The following RNF13 variants were observed in gnomAD, a reference collection of about 807,000 sequenced individuals.
RNF13 encodes the protein ring finger protein 13, also known as E3 ubiquitin-protein ligase RNF13.
A neutral mutation model predicts 37.7 loss-of-function variants in RNF13; 19 were observed. The observed-to-expected ratio is 0.50, with a 90% CI of 0.35 to 0.74. The LOEUF (loss-of-function observed/expected upper bound fraction) is 0.74. Ranked by LOEUF, RNF13 falls within the 30% of genes least tolerant of loss-of-function variation. The pLI, the probability that RNF13 is intolerant of heterozygous loss-of-function variation, is 0.01. For synonymous variants in RNF13, 144 were observed against 157.8 expected, an observed-to-expected ratio of 0.91 and a Z score of 0.65; for missense variants, 375 against 453.0, an observed-to-expected ratio of 0.83 and a Z score of 1.56.
intron 8 of RNF13, among the ~76,000 whole-genome samples, chr3:149,942,890 G>C (rs553071837): frequency 6.6e-6 from 1 of 152,026 alleles, no homozygotes; most frequent in Non-Finnish European, 1.5e-5. Flanking sequence ...CTAGTTTATT[G>C]AGTATTTGTG....
At chr3:149,902,245 T>A (rs1576848801) in intron 6 of RNF13, 83 bp downstream of exon 6, 2 of 658,504 alleles carry the variant, frequency 3.0e-6, no homozygotes, top group East Asian at 6.7e-5. Flanking sequence ...TAATCAAGAT[T>A]ATGTTTCAGA....
intron 4 of RNF13, among the ~76,000 whole-genome samples, chr3:149,880,696 C>T (rs1713288055): frequency 6.6e-6 from 1 of 151,796 alleles, no homozygotes; most frequent in Admixed American, 6.6e-5. Context: ...AATCATGTTC[C>T]AGCTACAGTA....
intron 8 of RNF13, among the ~76,000 whole-genome samples, chr3:149,923,033 G>T (rs1172100666): frequency 6.6e-6 from 1 of 151,732 alleles, no homozygotes; most frequent in East Asian, 1.9e-4. Context: ...ACATAGTTCT[G>T]CCACATTTTT....
rs991555893 is a variant in RNF13, at chr3:149,960,639, T to G, written c.782-101T>G. 15 of 1,147,386 alleles carry G rather than the reference T, an allele frequency of 1.3e-5. No homozygotes were observed. In the Middle Eastern group the frequency reaches 1.5e-3, roughly 114 times the overall value. The allele number at this position is 1,147,386 out of a possible 1,614,324, so 71.1% of individuals were successfully genotyped here. A position where few individuals can be genotyped will look rare whatever the true frequency, so the allele number is the denominator to read the frequency against. On this transcript the variant is annotated intron_variant, in intron 9 of 9. Transcript: ENST00000392894. Reference sequence around the variant, plus strand: ...AAAAAATAAACTTTCTTCCCGTCCCTACATGATACATACAGAACACTGAAT... The same window carrying G: ...AAAAAATAAACTTTCTTCCCGTCCCGACATGATACATACAGAACACTGAAT...
intron 4 of RNF13, 156 bp from the exon 5 acceptor site, chr3:149,895,317 T>A (rs550130316): frequency 7.9e-6 from 4 of 509,174 alleles, no homozygotes; most frequent in Non-Finnish European, 1.4e-5. Flanking sequence ...TTTCTACCTC[T>A]TTAGAGCAAA....
intron 1 of RNF13, among the ~76,000 whole-genome samples, chr3:149,826,839 T>A (rs2108326480): frequency 6.6e-6 from 1 of 152,306 alleles, no homozygotes; most frequent in South Asian, 2.1e-4. Flanking sequence ...TCACTGCAAC[T>A]TCTGCTTCCT....
intron 8 of RNF13, among the ~76,000 whole-genome samples, chr3:149,946,811 T>G (rs1720814882): frequency 6.6e-6 from 1 of 152,216 alleles, no homozygotes; most frequent in South Asian, 2.1e-4. Context: ...TTCATTTGTC[T>G]CTGCTGTAAG....
intron 8 of RNF13, among the ~76,000 whole-genome samples, chr3:149,933,573 C>A (rs1456155207): frequency 4.7e-4 from 68 of 145,216 alleles, no homozygotes; most frequent in African/African-American, 1.7e-3. Context: ...CTAACAGTTT[C>A]TTTTCTTTCT....
chr3:149,813,623 T>A (rs1009521652), intron 1 of RNF13, among the ~76,000 whole-genome samples: 1 of 152,230 alleles, frequency 6.6e-6, no homozygotes, highest in East Asian at 1.9e-4. Context: ...TCTCATTCCC[T>A]TCTTGAGGCT....
intron 1 of RNF13, among the ~76,000 whole-genome samples, chr3:149,818,612 G>C (rs971750530): frequency 1.3e-5 from 2 of 152,154 alleles, no homozygotes; most frequent in South Asian, 4.1e-4. Flanking sequence ...CTAGATTGAG[G>C]GTGAGAAGAA....
At chr3:149,895,931 C>G (rs1715211994) in intron 5 of RNF13, among the ~76,000 whole-genome samples, 1 of 152,194 alleles carries the variant, frequency 6.6e-6, no homozygotes. Flanking sequence ...CTGCTATAAT[C>G]TGCTGGAGTT....
At chr3:149,909,037 C>G (rs1441504055) in intron 6 of RNF13, among the ~76,000 whole-genome samples, 2 of 152,134 alleles carry the variant, frequency 1.3e-5, no homozygotes, top group Non-Finnish European at 2.9e-5. Context: ...TGTTTAAATA[C>G]CTTCTTCCTC....
chr3:149,821,373 GTGGTATCTCACTGT>G (rs1719981921), intron 1 of RNF13, among the ~76,000 whole-genome samples: 1 of 152,106 alleles, frequency 6.6e-6, no homozygotes, highest in South Asian at 2.1e-4. Context: ...TGGGTATGAA[GTGGTATCTCACTGT>G]GGTTTTGATT....
At chr3:149,840,161 G>A (rs1158999839) in intron 1 of RNF13, among the ~76,000 whole-genome samples, 2 of 152,168 alleles carry the variant, frequency 1.3e-5, no homozygotes, top group Non-Finnish European at 2.9e-5. Context: ...TTGACAGTTG[G>A]AAAAATCTTT....
chr3:149,901,221 G>A (rs1383602723), intron 5 of RNF13, among the ~76,000 whole-genome samples: 2 of 151,896 alleles, frequency 1.3e-5, no homozygotes, highest in African/African-American at 4.8e-5. Flanking sequence ...CCTTTTAAAT[G>A]CATAATGAAT....
intron 2 of RNF13, among the ~76,000 whole-genome samples, chr3:149,847,313 G>A (rs1722738795): frequency 6.6e-6 from 1 of 152,056 alleles, no homozygotes; most frequent in Non-Finnish European, 1.5e-5. Flanking sequence ...TATACTCTAG[G>A]TCTGTGCTAA....
At chr3:149,894,512 G>T (rs913083976) in intron 4 of RNF13, among the ~76,000 whole-genome samples, 4 of 151,972 alleles carry the variant, frequency 2.6e-5, no homozygotes, top group African/African-American at 7.2e-5. Context: ...ACTAATATTA[G>T]ACTTGGAAAT....
In RNF13 at chr3:149,844,066, G is replaced by A. The variant is rs548507896; in HGVS notation, c.-16-1945G>A. On this transcript the variant is annotated intron_variant, in intron 1 of 9. Coordinates refer to ENST00000392894, the MANE Select transcript of RNF13 (RefSeq NM_183381.3). ...TTATTCAGATTCAGTTTCCCAAAGA[G>A]GTCACTGGTCAATTAGGTACATACT... Among the ~76,000 whole-genome samples the A allele has an allele frequency of 1.4e-4, 21 of 152,292 alleles. No individual in the cohort carries two copies. The East Asian group carries it at 3.9e-3, about 28-fold the overall frequency.
At chr3:149,892,158 G>A (rs1714779491) in intron 4 of RNF13, among the ~76,000 whole-genome samples, 1 of 152,086 alleles carries the variant, frequency 6.6e-6, no homozygotes, top group South Asian at 2.1e-4. Context: ...TCCCATTTTA[G>A]TGGTTTCCTA....
Sources: gnomAD v4.1 joint callset for allele counts (sites outside exome capture counted in the v4.1 genomes callset) on GRCh38, gnomAD v4.1.1 for gene constraint, MANE v1.5 for transcripts, NCBI Gene and HGNC (gene_info 2026-07-23, HGNC 2026-07-21) for gene names.